The following NLRP11 variants were observed in gnomAD, a reference collection of about 807,000 sequenced individuals.
NLRP11 encodes the protein NLR family pyrin domain containing 11.
Under a neutral mutation model 79.3 loss-of-function variants are expected in NLRP11, and 53 were observed. The observed-to-expected ratio is 0.67, with a 90% CI of 0.54 to 0.84. NLRP11 has a LOEUF of 0.84. NLRP11 is among the 40% of genes least tolerant of loss of function. The probability of loss-of-function intolerance (pLI) is 0.00; values close to 1 mark genes in which losing one functional copy is unlikely to be tolerated. For synonymous variants in NLRP11, 518 were observed against 462.6 expected (o/e 1.12, Z -1.54); for missense variants, 1,264 against 1,255.0 (o/e 1.01, Z -0.11).
chr19:55,786,713 G>A (rs1045423912), intron 9 of NLRP11, among the ~76,000 whole-genome samples: 1 of 151,806 alleles, frequency 6.6e-6, no homozygotes, highest in African/African-American at 2.4e-5. Context: ...CTGCAGTTTA[G>A]TTTTTTTTGA....
At chr19:55,785,493 TCACACACACACACACA>T (rs878891245) in exon 10 of NLRP11, 101 of 424,644 alleles carry the variant, frequency 2.4e-4, no homozygotes, top group South Asian at 1.4e-3. Flanking sequence ...TGGATCAAGG[TCACACACACACACACA>T]CACACACACA....
chr19:55,833,760 C>T (rs1355225587), upstream of NLRP11, among the ~76,000 whole-genome samples: 7 of 103,066 alleles, frequency 6.8e-5, no homozygotes, highest in Non-Finnish European at 1.1e-4. Flanking sequence ...AGAGCGACTC[C>T]GTCTCAAAAA....
Position 55,823,229 on chromosome 19 carries a change from A to C in NLRP11, c.-62-4993T>G, listed in dbSNP as rs1260095223. On this transcript the variant is annotated intron_variant, in intron 1 of 9. Coordinates refer to ENST00000589093, the Ensembl canonical transcript of NLRP11. The stretch of plus-strand genomic sequence containing the variant: ...TGTCTGTTAGAAGGAAAACTAACAA[A>C]CAGAAAGGACATCCACACCGAAAAC... Among the ~76,000 whole-genome samples the C allele has an allele frequency of 3.2e-4, 45 of 141,944 alleles. 2 individuals carry two copies. Among genetic ancestry groups the C allele is most frequent in the Middle Eastern group, 3.5e-3 (1 of 284 alleles). The allele number at this position is 141,944 out of a possible 152,430, so 93.1% of individuals were successfully genotyped here. A position where few individuals can be genotyped will look rare whatever the true frequency, so the allele number is the denominator to read the frequency against.
chr19:55,822,560 C>T (rs1026838893), intron 1 of NLRP11, among the ~76,000 whole-genome samples: 4 of 151,866 alleles, frequency 2.6e-5, no homozygotes, highest in East Asian at 3.9e-4. Flanking sequence ...ATGCGCGCAC[C>T]GTGCGCGAGC....
intron 1 of NLRP11, among the ~76,000 whole-genome samples, chr19:55,823,204 T>C (rs1981981530): frequency 6.9e-6 from 1 of 144,608 alleles, no homozygotes. Flanking sequence ...CTGAGGGTCC[T>C]GTCTGTTAGA....
exon 3 of NLRP11, chr19:55,808,879 A>C: frequency 6.2e-7 from 1 of 1,614,086 alleles, no homozygotes; most frequent in African/African-American, 1.3e-5. Context: ...AGACCATCAT[A>C]TCCTTGTCTG....
intron 5 of NLRP11, among the ~76,000 whole-genome samples, chr19:55,799,022 AG>A (rs2122761536): frequency 6.6e-6 from 1 of 152,282 alleles, no homozygotes; most frequent in South Asian, 2.1e-4. Flanking sequence ...TAAATATCAA[AG>A]TAAGAGGCTG....
In NLRP11 at chr19:55,788,544, C is replaced by T. The variant is rs59093623; in HGVS notation, c.2855+263G>A. 5.5e-3 allele frequency among the ~76,000 whole-genome samples: 829 copies of T among 151,230 alleles called. 10 individuals carry two copies. The highest frequency in any genetic ancestry group is 0.042 in the East Asian group (212 of 5,096). ...TCATGAGGTCAGGAGATTGAGACCA[C>T]CCTGGCCAACATGGTGAAACCCCGT... On this transcript the variant is annotated intron_variant, in intron 9 of 9. Coordinates refer to ENST00000589093, the Ensembl canonical transcript of NLRP11.
intron 2 of NLRP11, among the ~76,000 whole-genome samples, chr19:55,811,777 G>T (rs990910938): frequency 1.3e-5 from 2 of 152,098 alleles, no homozygotes; most frequent in Non-Finnish European, 2.9e-5. Context: ...AAAATCTTTG[G>T]AAGATGTCTA....
chr19:55,813,221 G>A (rs560113082), intron 2 of NLRP11, among the ~76,000 whole-genome samples: 4 of 152,136 alleles, frequency 2.6e-5, no homozygotes, highest in African/African-American at 4.8e-5. Flanking sequence ...CCAGCTACTC[G>A]GGAGGCTGAG....
chr19:55,817,268 A>G (rs10419510), intron 2 of NLRP11, among the ~76,000 whole-genome samples: 1 of 151,946 alleles, frequency 6.6e-6, no homozygotes, highest in Admixed American at 6.5e-5. Flanking sequence ...CAGTGTGACT[A>G]TTCCTTAAAG....
At position 55,788,721 on chromosome 19, in the gene NLRP11, C is replaced by G. The variant is rs540484637; in HGVS notation, c.2855+86G>C. The G allele has an allele frequency of 4.3e-5, 40 of 932,062 alleles. No individual in the cohort carries two copies. In the East Asian group the frequency reaches 1.2e-3, roughly 29 times the overall value. The allele number at this position is 932,062 out of a possible 1,614,324, so 57.7% of individuals were successfully genotyped here. On this transcript the variant is annotated intron_variant, in intron 9 of 9. Transcript: ENST00000589093. The stretch of plus-strand genomic sequence containing the variant: ...CGCCACTGCACTCCAGCCTGGGCAA[C>G]AGAGTGAGACTCTGTCTCTCAAAAA...
intron 4 of NLRP11, among the ~76,000 whole-genome samples, chr19:55,803,570 G>T (rs531684314): frequency 6.6e-5 from 10 of 152,080 alleles, no homozygotes; most frequent in Non-Finnish European, 1.3e-4. Context: ...TCTGACAAAC[G>T]TCTAATACCC....
intron 4 of NLRP11, among the ~76,000 whole-genome samples, chr19:55,805,481 A>C (rs1286395435): frequency 6.6e-6 from 1 of 151,870 alleles, no homozygotes; most frequent in Non-Finnish European, 1.5e-5. Context: ...CATTTTACAC[A>C]AACAACTTCT....
At chr19:55,813,333 G>T (rs1167133654) in intron 2 of NLRP11, among the ~76,000 whole-genome samples, 1 of 152,068 alleles carries the variant, frequency 6.6e-6, no homozygotes, top group Admixed American at 6.6e-5. Flanking sequence ...GCAGAGGAAA[G>T]TTACAGGTCA....
At chr19:55,823,223 T>G (rs1981984522) in intron 1 of NLRP11, among the ~76,000 whole-genome samples, 2 of 142,106 alleles carry the variant, frequency 1.4e-5, no homozygotes, top group African/African-American at 5.5e-5. Flanking sequence ...GAAGGAAAAC[T>G]AACAAACAGA....
At chr19:55,810,231 C>A (rs1364592935) in exon 3 of NLRP11, 1 of 1,613,986 alleles carries the variant, frequency 6.2e-7, no homozygotes, top group Non-Finnish European at 8.5e-7. Flanking sequence ...TAGAACACAT[C>A]TGACGAAACG....
In NLRP11 at chr19:55,788,885, TG is replaced by T; in HGVS notation, c.2776del (p.Gln926LysfsTer16). 6.2e-7 allele frequency: 1 copy of T among 1,614,054 alleles called. No individual in the cohort carries two copies. Among genetic ancestry groups the T allele is most frequent in the Non-Finnish European group, 8.5e-7 (1 of 1,179,978 alleles). On this transcript the variant is annotated frameshift_variant, in exon 9 of 10. Transcript: ENST00000589093. LOFTEE classifies it high-confidence loss of function. ...AACTCCATCATTGCCCAAGTGATTTTGAAGCAAGTTGAGTCTTTCTAGTGTT... is the reference window on the plus strand; with the variant it reads ...AACTCCATCATTGCCCAAGTGATTTTAAGCAAGTTGAGTCTTTCTAGTGTT...
chr19:55,795,757 G>A (rs1252436878), intron 6 of NLRP11, among the ~76,000 whole-genome samples: 1 of 152,096 alleles, frequency 6.6e-6, no homozygotes, highest in Non-Finnish European at 1.5e-5. Flanking sequence ...CAAAGTACTG[G>A]AATTACAGGC....
Sources: allele counts gnomAD v4.1 joint callset (sites outside exome capture counted in the v4.1 genomes callset), GRCh38; gene constraint gnomAD v4.1.1; transcripts MANE v1.5; gene names NCBI Gene and HGNC (gene_info 2026-07-23, HGNC 2026-07-21).